The following VPS13D variants were observed in gnomAD, a reference collection of about 807,000 sequenced individuals.
The protein encoded by VPS13D is intermembrane lipid transfer protein VPS13D.
In VPS13D, 187 loss-of-function variants were observed where a neutral mutation model predicts 461.9. That is an observed-to-expected ratio of 0.40 (90% CI 0.36 to 0.46). The LOEUF (loss-of-function observed/expected upper bound fraction) is 0.46, where lower values mean the gene tolerates loss of function less well. Among genes scored for constraint, VPS13D ranks in the 20% least tolerant of loss-of-function variants. The pLI, the probability that VPS13D is intolerant of heterozygous loss-of-function variation, is 0.60. For synonymous variants in VPS13D, 1,951 were observed against 1,986.3 expected, an observed-to-expected ratio of 0.98 and a Z score of 0.47; for missense variants, 4,711 against 5,364.9, an observed-to-expected ratio of 0.88 and a Z score of 3.81.
chr1:12,392,748 C>T (rs942557876), intron 60 of VPS13D, among the ~76,000 whole-genome samples: 9 of 152,212 alleles, frequency 5.9e-5, no homozygotes, highest in African/African-American at 2.2e-4. Context: ...CTGTGATTCA[C>T]CTATGGGGGC....
intron 65 of VPS13D, among the ~76,000 whole-genome samples, chr1:12,448,159 C>T (rs890035418): frequency 1.3e-5 from 2 of 152,122 alleles, no homozygotes; most frequent in Non-Finnish European, 2.9e-5. Context: ...GTCTTTTGCT[C>T]ATGTTCACCC....
At chr1:12,416,588 G>T (rs1466606673) in intron 64 of VPS13D, 72 bp from the exon 65 acceptor site, 4 of 1,488,224 alleles carry the variant, frequency 2.7e-6, no homozygotes, top group Non-Finnish European at 3.6e-6. Flanking sequence ...TAAGCTCTTC[G>T]CTTGGGACAC....
rs774042585 is a variant in VPS13D, at chr1:12,319,480, G to A, written c.7415-17G>A. ...GCTTCCCAGCTCTGGCTTGATTGAC[G>A]ACGTTGTCCTTTCCAGGTACGGAGT... is the stretch of plus-strand genomic sequence containing the variant. On this transcript the variant is annotated splice_polypyrimidine_tract_variant and intron_variant, in intron 31 of 69. Transcript: ENST00000620676. 2.4e-5 allele frequency: 39 copies of A among 1,613,672 alleles called. No individual in the cohort carries two copies. The highest frequency in any genetic ancestry group is 2.2e-4 in the South Asian group (20 of 91,030).
chr1:12,308,350 T>G lies in VPS13D; in HGVS notation c.6440-81T>G, dbSNP rs899465590. On this transcript the variant is annotated intron_variant, in intron 26 of 69. Coordinates refer to ENST00000620676, the MANE Select transcript of VPS13D (RefSeq NM_015378.4). The stretch of plus-strand genomic sequence containing the variant: ...AAACATTTTCAAAGACAGAATGAGC[T>G]TTGCATTTTTTATTTGTTTAGTGCA... 23 of 1,436,872 alleles carry G rather than the reference T, an allele frequency of 1.6e-5. No individual in the cohort carries two copies. The Middle Eastern group carries it at 6.2e-4, about 38-fold the overall frequency. The allele number at this position is 1,436,872 out of a possible 1,614,324, so 89.0% of individuals were successfully genotyped here.
chr1:12,372,036 G>T (rs1231324445), intron 54 of VPS13D, among the ~76,000 whole-genome samples: 1 of 152,040 alleles, frequency 6.6e-6, no homozygotes, highest in African/African-American at 2.4e-5. Flanking sequence ...ACCAACATGT[G>T]TTGGTTTTTG....
intron 39 of VPS13D, chr1:12,336,030 C>A: frequency 1.6e-6 from 1 of 634,458 alleles, no homozygotes; most frequent in Non-Finnish European, 2.5e-6. Flanking sequence ...GGCTGTAATT[C>A]CACCTTTGCG....
Position 12,507,518 on chromosome 1 carries a change from C to G in VPS13D, c.13035+425C>G. On this transcript the variant is annotated intron_variant, in intron 69 of 69. Coordinates refer to ENST00000620676, the MANE Select transcript of VPS13D (RefSeq NM_015378.4). The surrounding 1 kb of genome is among the most constrained non-coding windows in gnomAD (Gnocchi z 5.3). Reference sequence around the variant, plus strand: ...TTCTCCTTAACAGTGGAAACCGTAACTTTTGTTCTAGTAGCATCTAGCATG... The same window carrying G: ...TTCTCCTTAACAGTGGAAACCGTAAGTTTTGTTCTAGTAGCATCTAGCATG... The G allele has an allele frequency of 2.2e-6, 1 of 457,976 alleles. No individual in the cohort carries two copies. Among genetic ancestry groups the G allele is most frequent in the Admixed American group, 2.3e-5 (1 of 43,018 alleles). The allele number at this position is 457,976 out of a possible 1,614,324, so 28.4% of individuals were successfully genotyped here. A position where few individuals can be genotyped will look rare whatever the true frequency, so the allele number is the denominator to read the frequency against.
At chr1:12,377,705 A>G (rs1430661010) in intron 55 of VPS13D, among the ~76,000 whole-genome samples, 1 of 151,402 alleles carries the variant, frequency 6.6e-6, no homozygotes, top group Non-Finnish European at 1.5e-5. Context: ...CTGTAATCCC[A>G]GCTACTCGGG....
intron 31 of VPS13D, 65 bp downstream of exon 31, chr1:12,318,402 C>T (rs1569892160): frequency 1.3e-6 from 2 of 1,543,082 alleles, no homozygotes; most frequent in Middle Eastern, 1.7e-4. Flanking sequence ...ATCTGCCTTA[C>T]AGGATGATTG....
At chr1:12,447,787 G>C (rs1023914254) in intron 65 of VPS13D, among the ~76,000 whole-genome samples, 11 of 152,200 alleles carry the variant, frequency 7.2e-5, no homozygotes, top group Admixed American at 3.3e-4. Flanking sequence ...TACTTTGTAA[G>C]AATGGAGGTC....
intron 67 of VPS13D, among the ~76,000 whole-genome samples, chr1:12,462,515 T>G (rs1645425645): frequency 6.6e-6 from 1 of 152,150 alleles, no homozygotes; most frequent in Non-Finnish European, 1.5e-5. Context: ...GACAAGACAG[T>G]CCAGAGAAGT....
intron 42 of VPS13D, 116 bp from the exon 43 acceptor site, chr1:12,345,258 T>G: frequency 7.8e-7 from 1 of 1,278,730 alleles, no homozygotes; most frequent in South Asian, 1.6e-5. Flanking sequence ...CTCCAAAAGG[T>G]TTAGCCAACT....
intron 60 of VPS13D, among the ~76,000 whole-genome samples, chr1:12,396,399 C>G (rs1644499598): frequency 6.6e-6 from 1 of 152,124 alleles, no homozygotes; most frequent in Non-Finnish European, 1.5e-5. Flanking sequence ...TTTCGGAGTT[C>G]TGAAAAAGTC....
At chr1:12,423,761 A>C (rs993955800) in intron 65 of VPS13D, among the ~76,000 whole-genome samples, 1 of 152,208 alleles carries the variant, frequency 6.6e-6, no homozygotes, top group Non-Finnish European at 1.5e-5. Context: ...CCAGCCTTCT[A>C]TCATATATAC....
chr1:12,312,846 A>G (rs1392167530), intron 29 of VPS13D, among the ~76,000 whole-genome samples: 5 of 152,216 alleles, frequency 3.3e-5, no homozygotes, highest in Non-Finnish European at 4.4e-5. Flanking sequence ...TACTAGGTCC[A>G]TGTTCTCACT....
intron 32 of VPS13D, among the ~76,000 whole-genome samples, chr1:12,320,831 C>T (rs1643015947): frequency 1.3e-5 from 2 of 152,210 alleles, no homozygotes; most frequent in Non-Finnish European, 2.9e-5. Context: ...TTTGAGATCG[C>T]TGGAAACTCC....
At chr1:12,239,394 C>T (rs146141525) in intron 2 of VPS13D, among the ~76,000 whole-genome samples, 3,509 of 152,358 alleles carry the variant, frequency 0.023, 63 homozygotes, top group Middle Eastern at 0.041. Context: ...CTGCCTTGGC[C>T]TCCCAAAGTT....
At position 12,383,097 on chromosome 1, in the gene VPS13D, C is replaced by T; in HGVS notation, c.11312C>T (p.Pro3771Leu). The part of the protein sequence containing the change: ...EQQFINQKMR[P>L]GSGMLSIRVI... ...CAATTTATTAATCAAAAAATGAGAC[C>T]TGGTTCTGGAATGTTATCCATCAGA... The change falls in exon 58 of 70, where the codon CCT becomes CTT. Residue 3771 changes from proline (P) to leucine (L), a missense_variant. Around this residue, in one of 3 missense-constraint regions of VPS13D, gnomAD observed 4,411 missense variants for 4,937.8 expected, o/e 0.89. Transcript: ENST00000620676. 1 of 1,614,114 alleles carries T rather than the reference C, an allele frequency of 6.2e-7. No homozygotes were observed. Among genetic ancestry groups the T allele is most frequent in the Non-Finnish European group, 8.5e-7 (1 of 1,180,014 alleles).
At chr1:12,249,696 T>A in intron 6 of VPS13D, 1 of 162,076 alleles carries the variant, frequency 6.2e-6, no homozygotes, top group Non-Finnish European at 1.3e-5. Context: ...CTTCCACATC[T>A]TGAACTCCAT....
Sources: gnomAD v4.1 joint callset for allele counts (sites outside exome capture counted in the v4.1 genomes callset) on GRCh38, gnomAD v4.1.1 for gene constraint, gnomAD v4.1.1 regional missense constraint, Gnocchi (gnomAD v3.1) non-coding constraint, MANE v1.5 for transcripts, NCBI Gene and HGNC (gene_info 2026-07-23, HGNC 2026-07-21) for gene names.